INTS4: variants seen among roughly 807,000 people sequenced by gnomAD.
The protein encoded by INTS4 is MSTP093.
INTS4 carries 70 observed loss-of-function variants against 119.5 expected under a neutral mutation model. The observed-to-expected ratio is 0.59, with a 90% confidence interval of 0.48 to 0.71. The LOEUF (loss-of-function observed/expected upper bound fraction) is 0.71. Ranked by LOEUF, INTS4 falls within the 30% of genes least tolerant of loss-of-function variation. INTS4 has a pLI of 0.00. For synonymous variants in INTS4, 316 were observed against 419.6 expected, an observed-to-expected ratio of 0.75 and a Z score of 3.02; for missense variants, 867 against 1,173.2, an observed-to-expected ratio of 0.74 and a Z score of 3.81.
At chr11:77,879,561 G>T (rs1029356417) in intron 22 of INTS4, among the ~76,000 whole-genome samples, 1 of 152,152 alleles carries the variant, frequency 6.6e-6, no homozygotes, top group Non-Finnish European at 1.5e-5. Flanking sequence ...CTTTATTAGT[G>T]GAGAGGAAGC....
chr11:77,949,892 A>G (rs1318657317), intron 8 of INTS4, among the ~76,000 whole-genome samples: 2 of 152,226 alleles, frequency 1.3e-5, no homozygotes, highest in East Asian at 3.8e-4. Context: ...ATTATAAATC[A>G]TTCTACTATA....
chr11:77,887,342 G>A (rs371530956), intron 21 of INTS4, among the ~76,000 whole-genome samples: 1 of 151,820 alleles, frequency 6.6e-6, no homozygotes, highest in African/African-American at 2.4e-5. Flanking sequence ...TCTCAATAGA[G>A]GCAGAAAAGG....
intron 4 of INTS4, among the ~76,000 whole-genome samples, chr11:77,966,009 C>A (rs1037433525): frequency 6.6e-6 from 1 of 152,188 alleles, no homozygotes; most frequent in African/African-American, 2.4e-5. Context: ...TTTATAAAAA[C>A]CATTCTAATA....
rs201084439 is a variant in INTS4, at chr11:77,918,226, G to A, written c.1922+595C>T. On this transcript the variant is annotated intron_variant, in intron 15 of 22. Transcript: ENST00000534064. ...GCGGGAGGATCACTTGAGCTCAGGA[G>A]TTTGAGACCAGCCTGGCCACCATGG... The A allele has an allele frequency of 6.6e-5, 41 of 624,414 alleles. No individual in the cohort carries two copies. In the African/African-American group the frequency reaches 7.4e-4, roughly 11 times the overall value. The allele number at this position is 624,414 out of a possible 1,614,324, so 38.7% of individuals were successfully genotyped here.
downstream of INTS4, chr11:77,877,054 G>C (rs755170389): frequency 1.6e-5 from 11 of 702,832 alleles, no homozygotes; most frequent in African/African-American, 3.5e-5. Flanking sequence ...AAACAGGTAA[G>C]CACACTAGAA....
intron 21 of INTS4, among the ~76,000 whole-genome samples, chr11:77,887,266 A>C (rs1365094181): frequency 2.0e-5 from 3 of 152,238 alleles, no homozygotes; most frequent in Non-Finnish European, 4.4e-5. Context: ...GGCTGGTTCA[A>C]CATACGAAAA....
chr11:77,979,484 GA>G (rs754093895), intron 3 of INTS4, among the ~76,000 whole-genome samples: 21 of 147,798 alleles, frequency 1.4e-4, no homozygotes, highest in African/African-American at 5.0e-5. Context: ...TAAAAAAACA[GA>G]AAAAAAAACA....
At chr11:77,886,073 G>A (rs1325198806) in intron 21 of INTS4, among the ~76,000 whole-genome samples, 1 of 151,892 alleles carries the variant, frequency 6.6e-6, no homozygotes, top group Non-Finnish European at 1.5e-5. Flanking sequence ...AGGTGTAGTG[G>A]TGTGTATCTC....
chr11:77,945,316 C>T (rs1954022316), intron 8 of INTS4, among the ~76,000 whole-genome samples: 1 of 152,194 alleles, frequency 6.6e-6, no homozygotes, highest in South Asian at 2.1e-4. Context: ...AGAGATCATT[C>T]AGCTGTACTG....
At chr11:77,921,098 C>T (rs1222003738) in intron 14 of INTS4, among the ~76,000 whole-genome samples, 1 of 152,032 alleles carries the variant, frequency 6.6e-6, no homozygotes, top group Non-Finnish European at 1.5e-5. Context: ...ATATGGACTG[C>T]TTTCTACTAT....
chr11:77,894,155 G>A (rs188639610), intron 19 of INTS4, 135 bp downstream of exon 19: 272 of 526,600 alleles, frequency 5.2e-4, no homozygotes, highest in African/African-American at 5.0e-3. Context: ...TAAGGTTAAC[G>A]ACATGGCCAC....
At chr11:77,908,174 CTACT>C (rs1565237019) in intron 15 of INTS4, among the ~76,000 whole-genome samples, 1 of 152,016 alleles carries the variant, frequency 6.6e-6, no homozygotes, top group Non-Finnish European at 1.5e-5. Flanking sequence ...AACTCAGTAG[CTACT>C]TATTCAATGG....
intron 10 of INTS4, among the ~76,000 whole-genome samples, chr11:77,937,798 C>T (rs1466692264): frequency 7.3e-5 from 11 of 150,966 alleles, no homozygotes; most frequent in Non-Finnish European, 2.9e-5. Flanking sequence ...GAATTGTATT[C>T]CCACAAAAAT....
chr11:77,895,417 G>C (rs760612578), intron 18 of INTS4, among the ~76,000 whole-genome samples: 2 of 148,874 alleles, frequency 1.3e-5, no homozygotes, highest in Non-Finnish European at 3.0e-5. Flanking sequence ...ATATTTCCTA[G>C]CACAGGCAGC....
chr11:77,946,007 C>G (rs1219760083), intron 8 of INTS4, among the ~76,000 whole-genome samples: 5 of 152,252 alleles, frequency 3.3e-5, no homozygotes, highest in African/African-American at 1.2e-4. Flanking sequence ...GCCCAGCAGG[C>G]CACCGCGGCA....
intron 2 of INTS4, 115 bp from the exon 3 acceptor site, chr11:77,981,691 A>G (rs570914212): frequency 2.2e-6 from 1 of 455,454 alleles, no homozygotes; most frequent in Admixed American, 3.3e-5. Flanking sequence ...ATTCTATGGC[A>G]TCATTTCTGA....
At position 77,961,076 on chromosome 11, in the gene INTS4, G is replaced by C. The variant is rs201743487; in HGVS notation, c.534C>G (p.Gly178=). The C allele has an allele frequency of 7.5e-6, 12 of 1,607,760 alleles. No individual in the cohort carries two copies. Among genetic ancestry groups the C allele is most frequent in the Non-Finnish European group, 7.6e-6 (9 of 1,178,736 alleles). The change falls in exon 5 of 23, where the codon GGC becomes GGG. Residue 178 remains glycine (G), a synonymous_variant. Coordinates refer to ENST00000534064, the MANE Select transcript of INTS4 (RefSeq NM_033547.4). Reference sequence around the variant, plus strand: ...CTTTTGTGACACTTTTCTCCAAAGAGCCAAGATTGCCAAGTAACTGCAGGC... The same window carrying C: ...CTTTTGTGACACTTTTCTCCAAAGACCCAAGATTGCCAAGTAACTGCAGGC... The part of the protein sequence containing the change: ...NKCLQLLGNL[G]SLEKSVTKDA...
At chr11:77,972,034 T>C (rs1161173205) in intron 4 of INTS4, among the ~76,000 whole-genome samples, 1 of 152,188 alleles carries the variant, frequency 6.6e-6, no homozygotes, top group African/African-American at 2.4e-5. Flanking sequence ...TTTTCTCCAT[T>C]GAATGGTACT....
chr11:77,973,927 T>C (rs1156572927), intron 4 of INTS4, among the ~76,000 whole-genome samples: 1 of 152,204 alleles, frequency 6.6e-6, no homozygotes, highest in African/African-American at 2.4e-5. Flanking sequence ...CTTTTGTCTG[T>C]TTCTGGTAAC....
Sources: allele counts gnomAD v4.1 joint callset (sites outside exome capture counted in the v4.1 genomes callset), GRCh38; gene constraint gnomAD v4.1.1; transcripts MANE v1.5; gene names NCBI Gene and HGNC (gene_info 2026-07-23, HGNC 2026-07-21).